The following TMEM168 variants were observed in gnomAD, a reference collection of about 807,000 sequenced individuals.
TMEM168 encodes the protein transmembrane protein 168.
A neutral mutation model predicts 53.2 loss-of-function variants in TMEM168; 40 were observed. The observed-to-expected ratio is 0.75, with a 90% CI of 0.58 to 0.98. TMEM168 has a LOEUF of 0.98. Among genes scored for constraint, TMEM168 ranks in the 50% least tolerant of loss-of-function variants. TMEM168 has a pLI of 0.00. For synonymous variants in TMEM168, 282 were observed against 293.0 expected, an observed-to-expected ratio of 0.96 and a Z score of 0.38; for missense variants, 771 against 828.8, an observed-to-expected ratio of 0.93 and a Z score of 0.86.
Position 112,775,415 on chromosome 7 carries a change from C to CA in TMEM168, c.1129-98dup, listed in dbSNP as rs1793052318. ...ATTCACATTTTTTAGCTTCTACTTT[C>CA]AAAAAGGATAAAAGGAACAATTAAT... On this transcript the variant is annotated intron_variant, in intron 2 of 4. Transcript: ENST00000312814. The CA allele has an allele frequency of 2.7e-6, 3 of 1,100,050 alleles. No homozygotes were observed. In the East Asian group the frequency reaches 8.3e-5, roughly 30 times the overall value. 68.1% of individuals were successfully genotyped at this position (1,100,050 alleles called of 1,614,324 possible).
intron 2 of TMEM168, among the ~76,000 whole-genome samples, chr7:112,782,031 T>C (rs1160688963): frequency 6.6e-6 from 1 of 152,156 alleles, no homozygotes; most frequent in East Asian, 1.9e-4. Context: ...TAAGGAACTC[T>C]TAAAAGACAA....
chr7:112,787,713 A>ATTT lies in TMEM168; in HGVS notation c.-129+2444_-129+2446dup, dbSNP rs71155069. ...ACAGGCGTGAGCCACTGCGACTGGCATTTTTTTTTTTTTTTTTTTTTTTTT... is the reference window on the plus strand; with the variant it reads ...ACAGGCGTGAGCCACTGCGACTGGCATTTTTTTTTTTTTTTTTTTTTTTTTTTT... On this transcript the variant is annotated intron_variant, in intron 1 of 4. Transcript: ENST00000312814. Among the ~76,000 whole-genome samples, 31 of 38,792 alleles carry ATTT rather than the reference A, an allele frequency of 8.0e-4. 1 individual carries two copies. The highest frequency in any genetic ancestry group is 2.2e-3 in the African/African-American group (21 of 9,358). The allele number at this position is 38,792 out of a possible 152,430, so 25.4% of individuals were successfully genotyped here.
chr7:112,774,319 G>A (rs1793010773), intron 3 of TMEM168, among the ~76,000 whole-genome samples: 2 of 137,026 alleles, frequency 1.5e-5, no homozygotes, highest in African/African-American at 5.4e-5. Context: ...TGAATTCCTA[G>A]TATTTGTATG....
intron 4 of TMEM168, among the ~76,000 whole-genome samples, chr7:112,769,349 AAAATGGCC>A (rs1792871107): frequency 6.6e-6 from 1 of 152,166 alleles, no homozygotes; most frequent in African/African-American, 2.4e-5. Context: ...TACTTTTTCA[AAAATGGCC>A]AAATGTTAAC....
At chr7:112,782,036 A>C (rs558214545) in intron 2 of TMEM168, among the ~76,000 whole-genome samples, 1 of 152,342 alleles carries the variant, frequency 6.6e-6, no homozygotes, top group East Asian at 1.9e-4. Flanking sequence ...AACTCTTAAA[A>C]GACAAATAAC....
chr7:112,783,671 G>T, intron 2 of TMEM168, 27 bp downstream of exon 2: 1 of 1,433,046 alleles, frequency 7.0e-7, no homozygotes, highest in South Asian at 1.8e-5. Context: ...CACGTCATTG[G>T]GGTTGCTGGA....
At chr7:112,778,179 C>A (rs1465932067) in intron 2 of TMEM168, 2 of 152,154 alleles carry the variant, frequency 1.3e-5, no homozygotes, top group Non-Finnish European at 2.9e-5. Flanking sequence ...CATGGCTCCA[C>A]CCTCTTCTTT....
chr7:112,771,919 T>C (rs888153247), intron 4 of TMEM168, among the ~76,000 whole-genome samples: 2 of 152,100 alleles, frequency 1.3e-5, no homozygotes, highest in African/African-American at 4.8e-5. Flanking sequence ...GAAAATTACC[T>C]TTTTTAATGA....
chr7:112,775,282 C>T lies in TMEM168; in HGVS notation c.1165G>A (p.Val389Ile), dbSNP rs529190744. ...NGIFLSMFLI[V>I]LPLESMAHGL... ...TGAGCCATGGATTCCAATGGCAAAACGATTAGAAACATGCTCAAGAAAATT... is the reference window on the plus strand; with the variant it reads ...TGAGCCATGGATTCCAATGGCAAAATGATTAGAAACATGCTCAAGAAAATT... Residue 389 changes from valine to isoleucine, a missense_variant, in exon 3 of 5, where the codon GTT (valine) becomes ATT (isoleucine). Physicochemically the swap from Val to Ile is conservative, Grantham distance 29. Transcript: ENST00000312814. 3.5e-5 allele frequency: 56 copies of T among 1,613,190 alleles called. No individual in the cohort carries two copies. Among genetic ancestry groups the T allele is most frequent in the South Asian group, 2.0e-4 (18 of 90,956 alleles).
At chr7:112,781,702 TAAA>T (rs201538838) in intron 2 of TMEM168, among the ~76,000 whole-genome samples, 1 of 140,484 alleles carries the variant, frequency 7.1e-6, no homozygotes, top group Admixed American at 7.2e-5. Context: ...ATCTATATAT[TAAA>T]AAAAAAAAAA....
At chr7:112,769,258 A>G (rs1046687297) in intron 4 of TMEM168, among the ~76,000 whole-genome samples, 4 of 152,226 alleles carry the variant, frequency 2.6e-5, no homozygotes, top group Non-Finnish European at 5.9e-5. Flanking sequence ...TAACACTCAC[A>G]CATATTATCT....
At chr7:112,782,111 A>C (rs763145157) in intron 2 of TMEM168, among the ~76,000 whole-genome samples, 1 of 152,248 alleles carries the variant, frequency 6.6e-6, no homozygotes, top group Non-Finnish European at 1.5e-5. Context: ...TAATACACAC[A>C]TAAAAAGATG....
rs993631537 is a variant in TMEM168, at chr7:112,765,594, T to C, written c.*1603A>G. On this transcript the variant is annotated 3_prime_UTR_variant, in exon 5 of 5. Transcript: ENST00000312814. ...ATAAAAAAAACTATACTATTTTATTTGGACAATACTAATATAAATCCTTAA... is the reference window on the plus strand; with the variant it reads ...ATAAAAAAAACTATACTATTTTATTCGGACAATACTAATATAAATCCTTAA... 1.3e-5 allele frequency: 2 copies of C among 152,184 alleles called. No individual in the cohort carries two copies. Among genetic ancestry groups the C allele is most frequent in the African/African-American group, 4.8e-5 (2 of 41,464 alleles). 9.4% of individuals were successfully genotyped at this position (152,184 alleles called of 1,614,324 possible). A position where few individuals can be genotyped will look rare whatever the true frequency, so the allele number is the denominator to read the frequency against.
intron 2 of TMEM168, among the ~76,000 whole-genome samples, chr7:112,776,608 T>C (rs1394461829): frequency 6.6e-6 from 1 of 152,038 alleles, no homozygotes; most frequent in African/African-American, 2.4e-5. Context: ...CAGTACATGC[T>C]CCATTTAAAA....
In TMEM168 at chr7:112,775,162, C is replaced by G. The variant is rs772916445; in HGVS notation, c.1271+14G>C. The G allele has an allele frequency of 2.8e-5, 45 of 1,594,528 alleles. No individual in the cohort carries two copies. The highest frequency in any genetic ancestry group is 3.8e-5 in the Non-Finnish European group (45 of 1,171,638). ...AAGTGAATAGTTATCACTAACTATA[C>G]TAGATTACTGTACCTGCAGAAGTTG... On this transcript the variant is annotated intron_variant, in intron 3 of 4. Coordinates refer to ENST00000312814, the MANE Select transcript of TMEM168 (RefSeq NM_022484.6).
intron 1 of TMEM168, among the ~76,000 whole-genome samples, chr7:112,786,364 G>A (rs1229547690): frequency 6.6e-6 from 1 of 152,074 alleles, no homozygotes; most frequent in Admixed American, 6.5e-5. Context: ...AGGGTCTCTG[G>A]GAAGTTCCGA....
intron 1 of TMEM168, among the ~76,000 whole-genome samples, chr7:112,787,713 ATTTTTTTTTTTTTTTTTTTTTTT>A (rs71155069): frequency 1.0e-4 from 4 of 38,768 alleles, no homozygotes; most frequent in Non-Finnish European, 1.3e-4. Context: ...TGCGACTGGC[ATTTTTTTTTTTTTTTTTTTTTTT>A]TTTTTTTTTT....
chr7:112,783,412 A>G (rs1431734291), intron 2 of TMEM168, among the ~76,000 whole-genome samples: 2 of 152,216 alleles, frequency 1.3e-5, no homozygotes, highest in African/African-American at 4.8e-5. Context: ...TCCAAATGTT[A>G]GTATTCTAAG....
chr7:112,773,755 C>T (rs1415151882), intron 3 of TMEM168, among the ~76,000 whole-genome samples: 1 of 151,994 alleles, frequency 6.6e-6, no homozygotes, highest in Non-Finnish European at 1.5e-5. Flanking sequence ...CATTCCTATC[C>T]AGAAAAGGGA....
Sources: gnomAD v4.1 joint callset for allele counts (sites outside exome capture counted in the v4.1 genomes callset) on GRCh38, gnomAD v4.1.1 for gene constraint, MANE v1.5 for transcripts, NCBI Gene and HGNC (gene_info 2026-07-23, HGNC 2026-07-21) for gene names.